Variants in RAX observed in about 807,000 individuals in gnomAD.
RAX encodes the protein retinal homeobox protein Rx.
RAX carries 11 observed loss-of-function variants against 17.4 expected under a neutral mutation model. The ratio of observed to expected loss-of-function variants is 0.63; its 90% CI spans 0.40 to 1.05. RAX has a LOEUF of 1.05. RAX is among the 50% of genes least tolerant of loss of function. The pLI is 0.00. For synonymous variants in RAX, 276 were observed against 254.7 expected (o/e 1.08, Z -0.80); for missense variants, 527 against 501.1 (o/e 1.05, Z -0.49).
chr18:59,273,048 C>CGA lies in RAX; in HGVS notation c.158_159insTC (p.Glu54ArgfsTer150). The CGA allele has an allele frequency of 6.5e-7, 1 of 1,534,744 alleles. No homozygotes were observed. The highest frequency in any genetic ancestry group is 8.7e-7 in the Non-Finnish European group (1 of 1,146,328). On this transcript the variant is annotated frameshift_variant, in exon 1 of 3. Coordinates refer to ENST00000334889, the MANE Select transcript of RAX (RefSeq NM_013435.3). LOFTEE classifies it high-confidence loss of function. ...CCTTCGCGCCCCGGGCGCCCCGCTC[C>CGA]GCCGGGAAGGTGCCGAGGATCCCGT... is the stretch of plus-strand genomic sequence containing the variant.
chr18:59,269,132 A>G lies in RAX; in HGVS notation c.913T>C (p.Cys305Arg). ...AACTTGTCCCCGAAGCCGGGCCCGC[A>G]CGGGTAGGAGGGCGGCGGCGGCGCG... ...PLAPPPPSYP[C>R]GPGFGDKFPL... Residue 305 changes from cysteine (C) to arginine (R), a missense_variant, in exon 3 of 3, where the codon TGC becomes CGC. By Grantham distance (180) the Cys-to-Arg change is radical (BLOSUM62 -3). Transcript: ENST00000334889. The G allele has an allele frequency of 2.5e-6, 4 of 1,605,412 alleles. No homozygotes were observed. The highest frequency in any genetic ancestry group is 2.2e-5 in the East Asian group (1 of 44,620).
chr18:59,270,861 G>A (rs2070332475), intron 2 of RAX, among the ~76,000 whole-genome samples: 1 of 152,180 alleles, frequency 6.6e-6, no homozygotes, highest in African/African-American at 2.4e-5. Flanking sequence ...CAACAGTAGA[G>A]AAAAGAAACA....
rs1392640855 is a variant in RAX at position 59,267,602 on chromosome 18, C to G, written c.*1402G>C. ...CTCTGGGGGCATCATCCTGAAAGCA[C>G]GCTTAGGGACGGGGGTTGTGGGGTG... On this transcript the variant is annotated 3_prime_UTR_variant, in exon 3 of 3. Coordinates refer to ENST00000334889, the MANE Select transcript of RAX (RefSeq NM_013435.3). The G allele has an allele frequency of 2.0e-5, 3 of 149,900 alleles. No homozygotes were observed. The South Asian group carries it at 6.4e-4, about 32-fold the overall frequency. The allele number at this position is 149,900 out of a possible 1,614,324, so 9.3% of individuals were successfully genotyped here. A position where few individuals can be genotyped will look rare whatever the true frequency, so the allele number is the denominator to read the frequency against.
intron 2 of RAX, among the ~76,000 whole-genome samples, chr18:59,270,717 A>G (rs570078836): frequency 9.6e-4 from 146 of 152,358 alleles, no homozygotes; most frequent in African/African-American, 3.4e-3. Context: ...CAAGCACCGC[A>G]GGGCAAGTGT....
intron 2 of RAX, 69 bp from the exon 3 acceptor site, chr18:59,269,570 G>C (rs999611579): frequency 6.5e-7 from 1 of 1,548,578 alleles, no homozygotes; most frequent in South Asian, 1.2e-5. Context: ...ACCCTGAGCC[G>C]GTTCAGCTCG....
intron 2 of RAX, among the ~76,000 whole-genome samples, chr18:59,270,656 A>G (rs73960737): frequency 0.029 from 4,486 of 152,310 alleles, 236 homozygotes; most frequent in African/African-American, 0.1. Context: ...TTTTCAGTCA[A>G]TAAGGGCAGG....
Position 59,272,413 on chromosome 18 carries a change from T to C in RAX, c.491A>G (p.Tyr164Cys). 6.2e-7 allele frequency: 1 copy of C among 1,614,258 alleles called. No homozygotes were observed. Among genetic ancestry groups the C allele is most frequent in the Non-Finnish European group, 8.5e-7 (1 of 1,180,052 alleles). Reference sequence around the variant, plus strand: ...CTTGCCGGCCAGCTCCTCGCGGCTGTACACGTCCGGGTAGTGGGACTTCTC... The same window carrying C: ...CTTGCCGGCCAGCTCCTCGCGGCTGCACACGTCCGGGTAGTGGGACTTCTC... ...AFEKSHYPDV[Y>C]SREELAGKVN... The change falls in exon 2 of 3, where the codon TAC becomes TGC. Residue 164 changes from tyrosine (Y) to cysteine (C), a missense_variant. Coordinates refer to ENST00000334889, the MANE Select transcript of RAX (RefSeq NM_013435.3).
rs2144155158 is a variant in RAX, at chr18:59,272,540, C to G, written c.364G>C (p.Gly122Arg). 1 of 1,614,218 alleles carries G rather than the reference C, an allele frequency of 6.2e-7. No homozygotes were observed. Among genetic ancestry groups the G allele is most frequent in the Non-Finnish European group, 8.5e-7 (1 of 1,180,054 alleles). ...TCCTCCTCTGACAGTTTCGCTTCGC[C>G]GGTGGCTGGCCCGACGGGCAGCCCT... ...SPGLPVGPAT[G>R]EAKLSEEEQP... The change falls in exon 2 of 3, where the codon GGC (glycine) becomes CGC (arginine). Residue 122 changes from glycine to arginine, a missense_variant. Physicochemically the swap from Gly to Arg is moderately radical, Grantham distance 125 (BLOSUM62 -2). Transcript: ENST00000334889.
chr18:59,268,711 CGGT>C lies in RAX; in HGVS notation c.*290_*292del. 3.7e-6 allele frequency: 2 copies of C among 545,150 alleles called. No homozygotes were observed. Among genetic ancestry groups the C allele is most frequent in the Non-Finnish European group, 6.5e-6 (2 of 308,432 alleles). The allele number at this position is 545,150 out of a possible 1,614,324, so 33.8% of individuals were successfully genotyped here. A position where few individuals can be genotyped will look rare whatever the true frequency, so the allele number is the denominator to read the frequency against. On this transcript the variant is annotated 3_prime_UTR_variant, in exon 3 of 3. Coordinates refer to ENST00000334889, the MANE Select transcript of RAX (RefSeq NM_013435.3). The surrounding 1 kb of genome is among the most constrained non-coding windows in gnomAD (Gnocchi z 4.4). ...TTGGGCCTGGAGGCTCCAGCGCCTG[CGGT>C]GATGGGAGCGGCGTGGCCAGCGGGG...
chr18:59,272,980 GC>G lies in RAX; in HGVS notation c.226del (p.Ala76ArgfsTer127). On this transcript the variant is annotated frameshift_variant, in exon 1 of 3. Transcript: ENST00000334889. LOFTEE classifies it high-confidence loss of function. Reference protein sequence around the residue: ...RLGARPACPKAPEEGSEPSPP... With the variant: ...RLGARPACPKXPEEGSEPSPP... ...GGAGGGCTCGGAGCCTTCCTCGGGC[GC>G]CTTGGGGCAGGCGGGCCGCGCGCCC... is the stretch of plus-strand genomic sequence containing the variant. The G allele has an allele frequency of 6.6e-7, 1 of 1,520,982 alleles. No individual in the cohort carries two copies. The highest frequency in any genetic ancestry group is 8.8e-7 in the Non-Finnish European group (1 of 1,141,656). 94.2% of individuals were successfully genotyped at this position (1,520,982 alleles called of 1,614,324 possible). A position where few individuals can be genotyped will look rare whatever the true frequency, so the allele number is the denominator to read the frequency against.
Position 59,269,241 on chromosome 18 carries a change from C to T in RAX, c.804G>A (p.Gln268=), listed in dbSNP as rs750348979. 2.0e-6 allele frequency: 3 copies of T among 1,508,236 alleles called. No individual in the cohort carries two copies. The highest frequency in any genetic ancestry group is 2.5e-5 in the South Asian group (2 of 81,086). 93.4% of individuals were successfully genotyped at this position (1,508,236 alleles called of 1,614,324 possible). ...GTGGCGTGTAGCTGGCAGGCAGGCT[C>T]TGCGCCGGCGGCCCGAAGCCCGGCA... ...QSLPGFGPPA[Q]SLPASYTPPP... The change falls in exon 3 of 3, where the codon CAG becomes CAA. Residue 268 remains glutamine (Q), a synonymous_variant. Coordinates refer to ENST00000334889, the MANE Select transcript of RAX (RefSeq NM_013435.3).
chr18:59,269,196 G>T lies in RAX; in HGVS notation c.849C>A (p.Phe283Leu), dbSNP rs1328892844. 2.0e-6 allele frequency: 3 copies of T among 1,537,760 alleles called. No individual in the cohort carries two copies. The highest frequency in any genetic ancestry group is 2.4e-5 in the South Asian group (2 of 84,372). ...SYTPPPPPPPFLNSPPLGPGL... is the reference protein window; with the variant it reads ...SYTPPPPPPPLLNSPPLGPGL... Reference sequence around the variant, plus strand: ...CGGGGCCCAACGGCGGGGAGTTCAGGAAGGGCGGAGGCGGCGGCGGTGGCG... The same window carrying T: ...CGGGGCCCAACGGCGGGGAGTTCAGTAAGGGCGGAGGCGGCGGCGGTGGCG... Residue 283 changes from phenylalanine to leucine, a missense_variant, in exon 3 of 3, where the codon TTC becomes TTA. By Grantham distance (22) the Phe-to-Leu change is conservative (BLOSUM62 0). Transcript: ENST00000334889.
chr18:59,271,031 T>A (rs1346249372), intron 2 of RAX, among the ~76,000 whole-genome samples: 3 of 152,184 alleles, frequency 2.0e-5, no homozygotes, highest in Admixed American at 2.0e-4. Flanking sequence ...CTGCCCTCGG[T>A]GTGGGAGATC....
rs2070286756 is a variant in RAX at position 59,267,332 on chromosome 18, T to G, written c.*1672A>C. On this transcript the variant is annotated 3_prime_UTR_variant, in exon 3 of 3. Coordinates refer to ENST00000334889, the MANE Select transcript of RAX (RefSeq NM_013435.3). ...TCCCAGCTCCAGCGTGGTCATCCTT[T>G]TCCCAAGTCGGTTTCAGGAACCGGA... 1 of 152,218 alleles carries G rather than the reference T, an allele frequency of 6.6e-6. No individual in the cohort carries two copies. Among genetic ancestry groups the G allele is most frequent in the Non-Finnish European group, 1.5e-5 (1 of 68,052 alleles). 9.4% of individuals were successfully genotyped at this position (152,218 alleles called of 1,614,324 possible).
At chr18:59,272,858 T>C in intron 1 of RAX, 60 bp downstream of exon 1, 1 of 1,490,088 alleles carries the variant, frequency 6.7e-7, no homozygotes, top group Non-Finnish European at 8.8e-7. Flanking sequence ...CGCTCTCGTC[T>C]GGCCAACTCC....
chr18:59,272,830 T>C (rs2070350465), intron 1 of RAX, 88 bp downstream of exon 1: 1 of 1,465,216 alleles, frequency 6.8e-7, no homozygotes, highest in Non-Finnish European at 9.0e-7. Context: ...GTTGCCTTAA[T>C]AAAAGTTAAG....
In RAX at chr18:59,273,160, G is replaced by C; in HGVS notation, c.47C>G (p.Ser16Trp). The change falls in exon 1 of 3, where the codon TCG becomes TGG. Residue 16 changes from serine to tryptophan, a missense_variant. Coordinates refer to ENST00000334889, the MANE Select transcript of RAX (RefSeq NM_013435.3). ...GCTGCGGAGCAGGTGGCCGGCAAGC[G>C]AGAAGCTCCCGTCGGCCATGGCTGG... ...CAPAMADGSF[S>W]LAGHLLRSPG... is the part of the protein sequence containing the mutation. 1 of 1,532,904 alleles carries C rather than the reference G, an allele frequency of 6.5e-7. No individual in the cohort carries two copies. The highest frequency in any genetic ancestry group is 8.7e-7 in the Non-Finnish European group (1 of 1,145,540). The allele number at this position is 1,532,904 out of a possible 1,614,324, so 95.0% of individuals were successfully genotyped here.
chr18:59,268,828 C>T lies in RAX; in HGVS notation c.*176G>A, dbSNP rs1045279959. The T allele has an allele frequency of 5.5e-6, 6 of 1,082,100 alleles. No individual in the cohort carries two copies. In the African/African-American group the frequency reaches 7.9e-5, roughly 14 times the overall value. The allele number at this position is 1,082,100 out of a possible 1,614,324, so 67.0% of individuals were successfully genotyped here. On this transcript the variant is annotated 3_prime_UTR_variant, in exon 3 of 3. Transcript: ENST00000334889. The surrounding 1 kb of genome is among the most constrained non-coding windows in gnomAD (Gnocchi z 4.4). ...AGGGCCTCTCCTCAGGCCTGAAAGT[C>T]GCCCTTCTCCCCGTGCATCGGGAGC...
chr18:59,271,694 A>G (rs1442494988), intron 2 of RAX, among the ~76,000 whole-genome samples: 1 of 152,184 alleles, frequency 6.6e-6, no homozygotes, highest in Non-Finnish European at 1.5e-5. Flanking sequence ...AACTCTCCCA[A>G]TTTGGAAATC....
Sources: allele counts gnomAD v4.1 joint callset (sites outside exome capture counted in the v4.1 genomes callset), GRCh38; gene constraint gnomAD v4.1.1; non-coding constraint Gnocchi (gnomAD v3.1); transcripts MANE v1.5; gene names NCBI Gene and HGNC (gene_info 2026-07-23, HGNC 2026-07-21).